Variants in SMYD4 observed in about 807,000 individuals in gnomAD.
SMYD4 encodes protein-lysine N-methyltransferase SMYD4.
SMYD4 carries 68 observed loss-of-function variants against 72.8 expected under a neutral mutation model. The observed-to-expected ratio is 0.93, with a 90% CI of 0.77 to 1.14. The LOEUF (loss-of-function observed/expected upper bound fraction) is 1.14, where lower values mean the gene tolerates loss of function less well. SMYD4 is among the 50% of genes most tolerant of loss of function. The probability of loss-of-function intolerance (pLI) is 0.00; values close to 1 mark genes in which losing one functional copy is unlikely to be tolerated. For synonymous variants in SMYD4, 407 were observed against 388.6 expected, an observed-to-expected ratio of 1.05 and a Z score of -0.56; for missense variants, 984 against 1,003.7, an observed-to-expected ratio of 0.98 and a Z score of 0.27.
At chr17:1,824,082 C>G (rs1911034873) in intron 2 of SMYD4, among the ~76,000 whole-genome samples, 1 of 152,174 alleles carries the variant, frequency 6.6e-6, no homozygotes, top group South Asian at 2.1e-4. Context: ...GTGGCTCACG[C>G]CTGTAATTCC....
chr17:1,826,506 A>AG, intron 2 of SMYD4, among the ~76,000 whole-genome samples: 1 of 70,180 alleles, frequency 1.4e-5, no homozygotes, highest in African/African-American at 6.9e-5. Context: ...AAAAAAAAAA[A>AG]AAAAAAAAAA....
Position 1,779,989 on chromosome 17 carries a change from A to AT in SMYD4, c.*1296_*1297insA, listed in dbSNP as rs1643884780. On this transcript the variant is annotated 3_prime_UTR_variant, in exon 11 of 11. Transcript: ENST00000305513. ...CCCAGGCTAACATCCAGATGCCTGCAGATCAGCTAAAATCCTTTTAAAGGA... is the reference window on the plus strand; with the variant it reads ...CCCAGGCTAACATCCAGATGCCTGCATGATCAGCTAAAATCCTTTTAAAGGA... 6.6e-6 allele frequency: 1 copy of AT among 152,652 alleles called. No individual in the cohort carries two copies. The highest frequency in any genetic ancestry group is 3.2e-3 in the Middle Eastern group (1 of 316). The allele number at this position is 152,652 out of a possible 1,614,324, so 9.5% of individuals were successfully genotyped here.
chr17:1,823,660 A>G (rs536766927), intron 2 of SMYD4, among the ~76,000 whole-genome samples: 73 of 152,310 alleles, frequency 4.8e-4, no homozygotes, highest in Non-Finnish European at 7.3e-5. Context: ...CCCATTTCAC[A>G]GCAGGGTTGG....
rs1049157061 is a variant in SMYD4 at position 1,800,147 on chromosome 17, C to T, written c.1247G>A (p.Gly416Glu). The T allele has an allele frequency of 1.7e-5, 27 of 1,610,592 alleles. No homozygotes were observed. The highest frequency in any genetic ancestry group is 2.1e-5 in the Non-Finnish European group (25 of 1,177,894). The stretch of plus-strand genomic sequence containing the variant: ...AGCATTATAATTATTTTCATACTTC[C>T]CATTAATATCGCATCCAGGAATTGG... ...ETPIPGCDIN[G>E]KYENNYNAVF... The change falls in exon 5 of 11, where the codon GGG becomes GAG. Residue 416 changes from glycine (G) to glutamate (E), a missense_variant. Physicochemically the swap from Gly to Glu is moderately conservative, Grantham distance 98. Transcript: ENST00000305513.
At chr17:1,815,760 T>C (rs1460939956) in intron 2 of SMYD4, among the ~76,000 whole-genome samples, 5 of 151,070 alleles carry the variant, frequency 3.3e-5, no homozygotes, top group Non-Finnish European at 7.4e-5. Flanking sequence ...AGTGCAATGG[T>C]GTGATCTCGG....
chr17:1,806,521 C>T (rs1476089262), intron 3 of SMYD4, among the ~76,000 whole-genome samples: 3 of 152,062 alleles, frequency 2.0e-5, no homozygotes, highest in Admixed American at 6.6e-5. Context: ...ACAATTCTCA[C>T]AGGAAATAAA....
chr17:1,820,433 T>C (rs1332043299), intron 2 of SMYD4, among the ~76,000 whole-genome samples: 1 of 152,110 alleles, frequency 6.6e-6, no homozygotes, highest in Non-Finnish European at 1.5e-5. Flanking sequence ...GGAGACACAG[T>C]CTCACTATGT....
At chr17:1,810,484 C>G (rs139996394) in intron 3 of SMYD4, among the ~76,000 whole-genome samples, 1 of 151,898 alleles carries the variant, frequency 6.6e-6, no homozygotes, top group African/African-American at 2.4e-5. Flanking sequence ...TTGCAGTGAT[C>G]ACAGCTCACT....
At chr17:1,801,960 A>G (rs1239194224) in intron 4 of SMYD4, among the ~76,000 whole-genome samples, 1 of 152,076 alleles carries the variant, frequency 6.6e-6, no homozygotes. Flanking sequence ...TGGGTGACAG[A>G]GCGACACTCT....
chr17:1,799,626 G>T (rs905156833), intron 5 of SMYD4, among the ~76,000 whole-genome samples: 1 of 151,820 alleles, frequency 6.6e-6, no homozygotes, highest in African/African-American at 2.4e-5. Flanking sequence ...TGCTCACCTC[G>T]GCCTCCCAAA....
At chr17:1,812,159 T>C (rs1314905730) in intron 2 of SMYD4, 44 bp from the exon 3 acceptor site, 1 of 1,598,020 alleles carries the variant, frequency 6.3e-7, no homozygotes, top group Non-Finnish European at 8.5e-7. Context: ...AAATGTGTTA[T>C]TTCAAGGAAA....
rs1260973211 is a variant in SMYD4, at chr17:1,797,487, TATCTA to T, written c.1537+2365_1537+2369del. On this transcript the variant is annotated intron_variant, in intron 5 of 10. Coordinates refer to ENST00000305513, the MANE Select transcript of SMYD4 (RefSeq NM_052928.3). ...CCTTCCCATCTATCTTAAGTAGTGTTATCTATAGGCTCCAGTTCAGGAAAGCAGGC... is the reference window on the plus strand; with the variant it reads ...CCTTCCCATCTATCTTAAGTAGTGTTTAGGCTCCAGTTCAGGAAAGCAGGC... Among the ~76,000 whole-genome samples, 23 of 152,306 alleles carry T rather than the reference TATCTA, an allele frequency of 1.5e-4. No individual in the cohort carries two copies. The East Asian group carries it at 4.4e-3, about 29-fold the overall frequency.
intron 5 of SMYD4, among the ~76,000 whole-genome samples, chr17:1,797,661 A>C (rs562418204): frequency 1.3e-5 from 2 of 152,308 alleles, no homozygotes; most frequent in South Asian, 2.1e-4. Flanking sequence ...AATGGGAAAT[A>C]TCTCTCAATT....
rs538883575 is a variant in SMYD4 at position 1,829,886 on chromosome 17, C to G, written c.-173G>C. 1.2e-5 allele frequency: 5 copies of G among 418,316 alleles called. No homozygotes were observed. Among genetic ancestry groups the G allele is most frequent in the Non-Finnish European group, 2.0e-5 (5 of 256,230 alleles). 25.9% of individuals were successfully genotyped at this position (418,316 alleles called of 1,614,324 possible). ...GCGTCCGGCGTCCCGCGCCAGGCCT[C>G]GCTTGGGACCATGGGTGGGTCACGT... On this transcript the variant is annotated 5_prime_UTR_variant, in exon 1 of 11. Transcript: ENST00000305513.
intron 5 of SMYD4, among the ~76,000 whole-genome samples, chr17:1,789,570 C>T (rs1908895375): frequency 6.6e-6 from 1 of 152,076 alleles, no homozygotes; most frequent in South Asian, 2.1e-4. Flanking sequence ...TCAACACCAG[C>T]TTGGCCAACA....
chr17:1,785,199 G>A lies in SMYD4; in HGVS notation c.1885-738C>T, dbSNP rs537501153. On this transcript the variant is annotated intron_variant, in intron 7 of 10. Transcript: ENST00000305513. ...GCACTTTGGGAGGGCGAGGCGGGTG[G>A]ATCCATGAGGTCAGGAGATCGAGAC... Among the ~76,000 whole-genome samples the A allele has an allele frequency of 3.4e-4, 50 of 148,032 alleles. No individual in the cohort carries two copies. In the South Asian group the frequency reaches 8.0e-3, roughly 24 times the overall value.
At chr17:1,786,489 T>C (rs754305756) in intron 7 of SMYD4, among the ~76,000 whole-genome samples, 10 of 152,188 alleles carry the variant, frequency 6.6e-5, no homozygotes, top group Non-Finnish European at 1.2e-4. Context: ...GCTGGGATAA[T>C]AGGCATGTGT....
At chr17:1,819,718 A>G (rs1910797876) in intron 2 of SMYD4, among the ~76,000 whole-genome samples, 1 of 152,180 alleles carries the variant, frequency 6.6e-6, no homozygotes, top group Non-Finnish European at 1.5e-5. Flanking sequence ...TGGTAAAGAC[A>G]AACTTTCTCC....
intron 3 of SMYD4, among the ~76,000 whole-genome samples, chr17:1,807,046 A>G (rs1383084279): frequency 1.3e-5 from 2 of 151,916 alleles, no homozygotes. Flanking sequence ...ACACGCCACC[A>G]TGCCCAGCTT....
Sources: gnomAD v4.1 joint callset for allele counts (sites outside exome capture counted in the v4.1 genomes callset) on GRCh38, gnomAD v4.1.1 for gene constraint, MANE v1.5 for transcripts, NCBI Gene and HGNC (gene_info 2026-07-23, HGNC 2026-07-21) for gene names.